Variants in DPH6 observed in about 807,000 individuals in gnomAD.
The protein encoded by DPH6 is diphthine--ammonia ligase.
A neutral mutation model predicts 38.2 loss-of-function variants in DPH6; 33 were observed. The observed-to-expected ratio is 0.86, with a 90% CI of 0.65 to 1.15. The LOEUF is 1.15. Among genes scored for constraint, DPH6 ranks in the 50% most tolerant of loss-of-function variants. DPH6 has a pLI of 0.00. For missense variants in DPH6, 325 were observed against 320.0 expected (o/e 1.02, Z -0.12); for synonymous variants, 108 against 103.0 (o/e 1.05, Z -0.30).
intron 3 of DPH6, among the ~76,000 whole-genome samples, chr15:35,343,845 A>T (rs1040060535): frequency 6.6e-6 from 1 of 152,044 alleles, no homozygotes; most frequent in Non-Finnish European, 1.5e-5. Flanking sequence ...ATTAAAAATA[A>T]GGAAATATGA....
chr15:35,168,674 A>T, the DPH6 span, among the ~76,000 whole-genome samples: 1 of 152,080 alleles, frequency 6.6e-6, no homozygotes, highest in Non-Finnish European at 1.5e-5. Context: ...ATATGTTAAA[A>T]TTTTTTTAAA....
At chr15:35,537,678 C>G (rs1163727906) in intron 3 of DPH6, among the ~76,000 whole-genome samples, 1 of 152,106 alleles carries the variant, frequency 6.6e-6, no homozygotes, top group Admixed American at 6.6e-5. Context: ...GGCTCAGTCT[C>G]TCATTTTCTT....
rs567891914 is a variant in DPH6, at chr15:35,355,761, C to T, written n.207+17760G>A. Among the ~76,000 whole-genome samples the T allele has an allele frequency of 2.7e-3, 416 of 152,222 alleles. 4 individuals are homozygous for T. Among genetic ancestry groups the T allele is most frequent in the Non-Finnish European group, 5.1e-3 (347 of 68,026 alleles). ...TTTGGTGAGTCTGACGATTATGTGTCTTGGAGTTGCTCTTCTCAAGGAGTG... is the reference window on the plus strand; with the variant it reads ...TTTGGTGAGTCTGACGATTATGTGTTTTGGAGTTGCTCTTCTCAAGGAGTG... On this transcript the variant is annotated intron_variant and non_coding_transcript_variant, in intron 3 of 3. Transcript: ENST00000558973.
At chr15:35,388,937 G>T (rs2053012669) in intron 6 of DPH6, among the ~76,000 whole-genome samples, 1 of 152,082 alleles carries the variant, frequency 6.6e-6, no homozygotes, top group African/African-American at 2.4e-5. Flanking sequence ...TGATGTTAGG[G>T]TGTCAAGTTT....
intron 5 of DPH6, among the ~76,000 whole-genome samples, chr15:35,437,110 T>C (rs2052366114): frequency 2.0e-5 from 3 of 152,100 alleles, no homozygotes; most frequent in Admixed American, 6.5e-5. Context: ...TCACAGTTGC[T>C]GGGCCTCAGG....
intron 3 of DPH6, among the ~76,000 whole-genome samples, chr15:35,224,598 C>T (rs565808698): frequency 2.0e-5 from 3 of 152,290 alleles, no homozygotes; most frequent in South Asian, 2.1e-4. Flanking sequence ...GGAGCACAGT[C>T]GCTGGATCTT....
the DPH6 span, among the ~76,000 whole-genome samples, chr15:35,184,691 G>A: frequency 0.15 from 23,255 of 152,062 alleles, 2,184 homozygotes; most frequent in East Asian, 0.38. Context: ...ATGCAACTAG[G>A]TTCCAAGGGT....
the DPH6 span, among the ~76,000 whole-genome samples, chr15:35,172,764 G>A: frequency 6.6e-5 from 10 of 152,068 alleles, no homozygotes; most frequent in African/African-American, 2.2e-4. Context: ...CAATCATAGT[G>A]CACTGTAGTC....
chr15:35,506,350 T>C (rs999883226), intron 3 of DPH6, among the ~76,000 whole-genome samples: 3 of 152,272 alleles, frequency 2.0e-5, no homozygotes, highest in African/African-American at 7.2e-5. Context: ...TATGACAATA[T>C]TGTCTTTGTT....
At chr15:35,411,049 T>G (rs181095426) in intron 5 of DPH6, among the ~76,000 whole-genome samples, 153 bp from the exon 6 acceptor site, 4 of 151,880 alleles carry the variant, frequency 2.6e-5, no homozygotes, top group African/African-American at 7.2e-5. Flanking sequence ...TTGCTAGTAT[T>G]TACTTTTCTA....
chr15:35,209,104 C>A, the DPH6 span, among the ~76,000 whole-genome samples: 1 of 152,060 alleles, frequency 6.6e-6, no homozygotes, highest in Non-Finnish European at 1.5e-5. Flanking sequence ...TTGGTTACTG[C>A]TGATAGTTAG....
chr15:35,356,412 T>C (rs1310239873), intron 3 of DPH6, among the ~76,000 whole-genome samples: 2 of 152,200 alleles, frequency 1.3e-5, no homozygotes, highest in Non-Finnish European at 2.9e-5. Flanking sequence ...AACTTTGTAG[T>C]TTTATCTACC....
intron 6 of DPH6, among the ~76,000 whole-genome samples, chr15:35,399,060 C>T (rs1041291376): frequency 6.6e-6 from 1 of 152,146 alleles, no homozygotes; most frequent in African/African-American, 2.4e-5. Flanking sequence ...GCTCCCTGCT[C>T]TTAAATATTA....
chr15:35,499,438 A>G (rs1017961127), intron 3 of DPH6, among the ~76,000 whole-genome samples: 3 of 152,126 alleles, frequency 2.0e-5, no homozygotes, highest in African/African-American at 7.2e-5. Flanking sequence ...AATTTGGGGC[A>G]AGTACGAATT....
At chr15:35,413,611 C>G (rs527851388) in intron 5 of DPH6, among the ~76,000 whole-genome samples, 1 of 151,500 alleles carries the variant, frequency 6.6e-6, no homozygotes, top group Non-Finnish European at 1.5e-5. Flanking sequence ...CTTTCTTTTG[C>G]TAATATCTTT....
chr15:35,464,309 A>T (rs759184819), intron 3 of DPH6, among the ~76,000 whole-genome samples: 3 of 151,714 alleles, frequency 2.0e-5, no homozygotes, highest in Non-Finnish European at 2.9e-5. Flanking sequence ...AAAAAAAAAT[A>T]AGGCAAATAT....
downstream of DPH6, among the ~76,000 whole-genome samples, chr15:35,215,734 G>C (rs184758343): frequency 1.9e-4 from 29 of 152,224 alleles, no homozygotes; most frequent in Non-Finnish European, 2.4e-4. Flanking sequence ...AATGCGCTAG[G>C]CATTTTACCT....
At chr15:35,466,287 G>A (rs1267965557) in intron 3 of DPH6, among the ~76,000 whole-genome samples, 1 of 152,086 alleles carries the variant, frequency 6.6e-6, no homozygotes, top group African/African-American at 2.4e-5. Context: ...ACAACAGCAA[G>A]CAACAAAAAT....
Position 35,546,073 on chromosome 15 carries a change from G to C in DPH6, c.23+46C>G. 4 of 1,342,636 alleles carry C rather than the reference G, an allele frequency of 3.0e-6. 1 individual carries two copies. The highest frequency in any genetic ancestry group is 3.9e-6 in the Non-Finnish European group (4 of 1,031,970). The allele number at this position is 1,342,636 out of a possible 1,614,324, so 83.2% of individuals were successfully genotyped here. ...GGCGCTAGCGGCGGCTGGAAGGGAC[G>C]AGAGCCTGGCCTAGGAGGAAGGAGG... On this transcript the variant is annotated intron_variant, in intron 1 of 8. Transcript: ENST00000256538.
Sources: allele counts gnomAD v4.1 joint callset (sites outside exome capture counted in the v4.1 genomes callset), GRCh38; gene constraint gnomAD v4.1.1; transcripts MANE v1.5; gene names NCBI Gene and HGNC (gene_info 2026-07-23, HGNC 2026-07-21).